NHLH2: variants seen among roughly 807,000 people sequenced by gnomAD.
NHLH2 encodes the protein helix-loop-helix protein 2.
NHLH2 carries 7 observed loss-of-function variants against 7.3 expected under a neutral mutation model. The ratio of observed to expected loss-of-function variants is 0.96; its 90% CI spans 0.55 to 1.81. NHLH2 has a LOEUF of 1.81. NHLH2 is among the 40% of genes most tolerant of loss of function. The pLI, the probability that NHLH2 is intolerant of heterozygous loss-of-function variation, is 0.00. For missense variants in NHLH2, 155 were observed against 194.0 expected (o/e 0.80, Z 1.19); for synonymous variants, 93 against 91.6 (o/e 1.01, Z -0.09).
At position 115,838,188 on chromosome 1, in the gene NHLH2, T is replaced by A. The variant is rs764462122; in HGVS notation, c.185A>T (p.Gln62Leu). The change falls in exon 3 of 3, where the codon CAG (glutamine) becomes CTG (leucine). Residue 62 changes from glutamine (Q) to leucine (L), a missense_variant. Around this residue, in one of 2 missense-constraint regions of NHLH2, gnomAD observed 91 missense variants for 86.6 expected, o/e 1.05. Coordinates refer to ENST00000320238, the MANE Select transcript of NHLH2 (RefSeq NM_005599.3). ...GCGGCGCTTCTCCTCGCGGCTCAGC[T>A]GCTGCGGGTGCGGGTAGAGCGCGGC... ...SRAALYPHPQ[Q>L]LSREEKRRRR... 8.3e-6 allele frequency: 13 copies of A among 1,571,602 alleles called. No homozygotes were observed. The highest frequency in any genetic ancestry group is 3.9e-4 in the Middle Eastern group (2 of 5,172).
At chr1:115,834,953 G>A (rs1935777), downstream of NHLH2, among the ~76,000 whole-genome samples, 2,540 of 152,254 alleles carry the variant, frequency 0.017, 76 homozygotes, top group African/African-American at 0.058. Flanking sequence ...CTGTGCTCAG[G>A]GAATGAGCCA....
Position 115,838,262 on chromosome 1 carries a change from G to A in NHLH2, c.111C>T (p.Asp37=), listed in dbSNP as rs1650940662. The A allele has an allele frequency of 3.1e-6, 5 of 1,593,612 alleles. No homozygotes were observed. The highest frequency in any genetic ancestry group is 1.7e-5 in the Admixed American group (1 of 57,678). ...CCTCGGCCTCCTCCACCGGCTCCAG[G>A]TCCGACACGCTGCCGAGCACCTTGG... is the stretch of plus-strand genomic sequence containing the variant. ...TDTKVLGSVS[D]LEPVEEAEGD... The change falls in exon 3 of 3, where the codon GAC becomes GAT. Residue 37 remains aspartate, a synonymous_variant. Coordinates refer to ENST00000320238, the MANE Select transcript of NHLH2 (RefSeq NM_005599.3).
intron 2 of NHLH2, 138 bp from the exon 3 acceptor site, chr1:115,838,518 A>T: frequency 1.1e-6 from 1 of 938,146 alleles, no homozygotes; most frequent in Non-Finnish European, 1.6e-6. Context: ...CCGGCGCGCG[A>T]CGCGGGAGGG....
rs977802476 is a variant in NHLH2, at chr1:115,837,905, T to A, written c.*60A>T. 1.9e-6 allele frequency: 3 copies of A among 1,541,652 alleles called. No homozygotes were observed. Among genetic ancestry groups the A allele is most frequent in the Non-Finnish European group, 2.6e-6 (3 of 1,145,716 alleles). ...TCCGCCACCCGAGCGACGGCGCCCG[T>A]CCGGATCCGTAGCGTTTCGCGGACG... On this transcript the variant is annotated 3_prime_UTR_variant, in exon 3 of 3. Coordinates refer to ENST00000320238, the MANE Select transcript of NHLH2 (RefSeq NM_005599.3).
At chr1:115,831,689 G>T (rs911762765), downstream of NHLH2, among the ~76,000 whole-genome samples, 6 of 151,900 alleles carry the variant, frequency 3.9e-5, no homozygotes, top group African/African-American at 9.7e-5. Flanking sequence ...AAGGCCTAGG[G>T]GGGGGCGGAT....
downstream of NHLH2, among the ~76,000 whole-genome samples, chr1:115,834,697 C>A (rs904503952): frequency 6.6e-6 from 1 of 152,168 alleles, no homozygotes. Flanking sequence ...CTTTACCCTG[C>A]TTATTTTTCT....
Position 115,836,830 on chromosome 1 carries a change from A to G in NHLH2, c.*1135T>C, listed in dbSNP as rs1481747126. On this transcript the variant is annotated 3_prime_UTR_variant, in exon 3 of 3. Coordinates refer to ENST00000320238, the MANE Select transcript of NHLH2 (RefSeq NM_005599.3). ...AGAATAATACACTTTTTAAAAAACTATAATAGTGAAGTGCTAGTGTTGCTG... is the reference window on the plus strand; with the variant it reads ...AGAATAATACACTTTTTAAAAAACTGTAATAGTGAAGTGCTAGTGTTGCTG... 1 of 152,200 alleles carries G rather than the reference A, an allele frequency of 6.6e-6. No individual in the cohort carries two copies. Among genetic ancestry groups the G allele is most frequent in the Non-Finnish European group, 1.5e-5 (1 of 68,026 alleles). 9.4% of individuals were successfully genotyped at this position (152,200 alleles called of 1,614,324 possible). A position where few individuals can be genotyped will look rare whatever the true frequency, so the allele number is the denominator to read the frequency against.
chr1:115,835,216 T>C (rs1392230906), downstream of NHLH2, among the ~76,000 whole-genome samples: 1 of 152,166 alleles, frequency 6.6e-6, no homozygotes, highest in Non-Finnish European at 1.5e-5. Context: ...CAGTTGGAAG[T>C]TGGGCCCCTA....
Position 115,837,789 on chromosome 1 carries a change from C to G in NHLH2, c.*176G>C. On this transcript the variant is annotated 3_prime_UTR_variant, in exon 3 of 3. Transcript: ENST00000320238. The stretch of plus-strand genomic sequence containing the variant: ...CCCACCTGCCTGCGTCGGAAACCTT[C>G]CCTCGTCGCCCTGCTGACCAGAGAG... 1.5e-6 allele frequency: 1 copy of G among 683,174 alleles called. No homozygotes were observed. The highest frequency in any genetic ancestry group is 2.3e-6 in the Non-Finnish European group (1 of 438,644). 42.3% of individuals were successfully genotyped at this position (683,174 alleles called of 1,614,324 possible). A position where few individuals can be genotyped will look rare whatever the true frequency, so the allele number is the denominator to read the frequency against.
chr1:115,831,448 T>C (rs1257398597), downstream of NHLH2, among the ~76,000 whole-genome samples: 1 of 152,166 alleles, frequency 6.6e-6, no homozygotes, highest in Non-Finnish European at 1.5e-5. Context: ...AAGACATCAG[T>C]AAGTATCTCT....
rs1182221295 is a variant in NHLH2, at chr1:115,836,429, G to A, written c.*1536C>T. 1 of 152,422 alleles carries A rather than the reference G, an allele frequency of 6.6e-6. No homozygotes were observed. The highest frequency in any genetic ancestry group is 1.5e-5 in the Non-Finnish European group (1 of 67,980). 9.4% of individuals were successfully genotyped at this position (152,422 alleles called of 1,614,324 possible). Reference sequence around the variant, plus strand: ...AAACAGCGCACCATTCATGAGATATGAAAAACTCGTCAGATAGAAACCAGA... The same window carrying A: ...AAACAGCGCACCATTCATGAGATATAAAAAACTCGTCAGATAGAAACCAGA... On this transcript the variant is annotated 3_prime_UTR_variant, in exon 3 of 3. Coordinates refer to ENST00000320238, the MANE Select transcript of NHLH2 (RefSeq NM_005599.3).
In NHLH2 at chr1:115,838,024, C is replaced by G. The variant is rs1650928729; in HGVS notation, c.349G>C (p.Glu117Gln). 1 of 1,610,490 alleles carries G rather than the reference C, an allele frequency of 6.2e-7. No individual in the cohort carries two copies. The highest frequency in any genetic ancestry group is 1.4e-5 in the African/African-American group (1 of 74,006). The change falls in exon 3 of 3, where the codon GAG (glutamate) becomes CAG (glutamine). Residue 117 changes from glutamate (E) to glutamine (Q), a missense_variant. Physicochemically the swap from Glu to Gln is conservative, Grantham distance 29. Coordinates refer to ENST00000320238, the MANE Select transcript of NHLH2 (RefSeq NM_005599.3). ...LPPDKKLSKI[E>Q]ILRLAICYIS... Reference sequence around the variant, plus strand: ...TAGCAGATGGCCAGGCGCAGGATCTCGATCTTGGAGAGCTTCTTGTCCGGG... The same window carrying G: ...TAGCAGATGGCCAGGCGCAGGATCTGGATCTTGGAGAGCTTCTTGTCCGGG...
At chr1:115,834,054 T>G (rs1475416212), downstream of NHLH2, among the ~76,000 whole-genome samples, 4 of 151,916 alleles carry the variant, frequency 2.6e-5, no homozygotes, top group South Asian at 8.3e-4. Flanking sequence ...CCCTCCAGAG[T>G]CCCCCACTCC....
At chr1:115,840,739 A>C (rs960628092) in intron 1 of NHLH2, 195 bp from the exon 2 acceptor site, 1 of 86,606 alleles carries the variant, frequency 1.2e-5, no homozygotes, top group African/African-American at 4.0e-5. Flanking sequence ...CTTGCTCAGA[A>C]GTGATTTTTT....
chr1:115,835,218 G>C (rs1650839325), downstream of NHLH2, among the ~76,000 whole-genome samples: 1 of 152,134 alleles, frequency 6.6e-6, no homozygotes, highest in South Asian at 2.1e-4. Flanking sequence ...GTTGGAAGTT[G>C]GGCCCCTAAA....
intron 1 of NHLH2, 199 bp from the exon 2 acceptor site, chr1:115,840,743 A>ATT (rs34163403): frequency 0.21 from 30,223 of 141,896 alleles, 3,751 homozygotes; most frequent in African/African-American, 0.3. Flanking sequence ...CTCAGAAGTG[A>ATT]TTTTTTTTTT....
chr1:115,833,995 C>A (rs111422472), downstream of NHLH2, among the ~76,000 whole-genome samples: 1 of 152,136 alleles, frequency 6.6e-6, no homozygotes. Flanking sequence ...TGGGGCAGGG[C>A]CACTGGAGGG....
rs555334568 is a variant in NHLH2 at position 115,841,125 on chromosome 1, T to C, written c.-515A>G. 4 of 167,082 alleles carry C rather than the reference T, an allele frequency of 2.4e-5. No individual in the cohort carries two copies. The highest frequency in any genetic ancestry group is 7.2e-5 in the African/African-American group (3 of 41,542). 10.3% of individuals were successfully genotyped at this position (167,082 alleles called of 1,614,324 possible). On this transcript the variant is annotated 5_prime_UTR_variant, in exon 1 of 3. Transcript: ENST00000320238. ...GGCTTCTGGGCTCTCCTGGTACCAA[T>C]TGATTCAGCCTGGAGATGGTGGAAG...
chr1:115,831,386 C>A (rs1285463448), downstream of NHLH2, among the ~76,000 whole-genome samples: 1 of 152,192 alleles, frequency 6.6e-6, no homozygotes, highest in African/African-American at 2.4e-5. Flanking sequence ...TTTCTCACTA[C>A]CCCTTAAGAC....
Sources: allele counts gnomAD v4.1 joint callset (sites outside exome capture counted in the v4.1 genomes callset), GRCh38; gene constraint gnomAD v4.1.1; regional missense constraint gnomAD v4.1.1; transcripts MANE v1.5; gene names NCBI Gene and HGNC (gene_info 2026-07-23, HGNC 2026-07-21).